Variants in TBC1D22A observed in about 807,000 individuals in gnomAD.
The protein encoded by TBC1D22A is TBC1 domain family member 22A.
TBC1D22A carries 38 observed loss-of-function variants against 60.2 expected under a neutral mutation model. That is an observed-to-expected ratio of 0.63 (90% CI 0.49 to 0.83). The LOEUF is 0.83. Ranked by LOEUF, TBC1D22A falls within the 40% of genes least tolerant of loss-of-function variation. The probability of loss-of-function intolerance (pLI) is 0.00; values close to 1 mark genes in which losing one functional copy is unlikely to be tolerated. For synonymous variants in TBC1D22A, 302 were observed against 281.7 expected, an observed-to-expected ratio of 1.07 and a Z score of -0.72; for missense variants, 628 against 701.0, an observed-to-expected ratio of 0.90 and a Z score of 1.18.
intron 11 of TBC1D22A, among the ~76,000 whole-genome samples, chr22:47,100,662 A>G (rs977850607): frequency 6.6e-6 from 1 of 152,178 alleles, no homozygotes; most frequent in Non-Finnish European, 1.5e-5. Flanking sequence ...TCCACGTAAG[A>G]CGTGACTTGC....
chr22:46,819,203 T>A (rs1453076185), intron 4 of TBC1D22A, among the ~76,000 whole-genome samples: 1 of 152,184 alleles, frequency 6.6e-6, no homozygotes, highest in Non-Finnish European at 1.5e-5. Context: ...ACTCCTCTCT[T>A]CCTATTTGAA....
In TBC1D22A at chr22:46,965,558, T is replaced by C. The variant is rs1307018456; in HGVS notation, c.1016-8732T>C. 2.4e-4 allele frequency among the ~76,000 whole-genome samples: 37 copies of C among 152,248 alleles called. 1 individual carries two copies. Among genetic ancestry groups the C allele is most frequent in the Admixed American group, 2.4e-3 (36 of 15,290 alleles). ...AGCAAATGGAGAACTGTGTTTTGAG[T>C]GGTCCTTGTGCTTCAGAGGGTCTGT... On this transcript the variant is annotated intron_variant, in intron 8 of 12. Transcript: ENST00000337137.
chr22:46,867,139 T>C (rs2067093351), intron 4 of TBC1D22A, among the ~76,000 whole-genome samples: 1 of 152,222 alleles, frequency 6.6e-6, no homozygotes, highest in Non-Finnish European at 1.5e-5. Context: ...CGTGACCAAG[T>C]ATCTGTAGAT....
chr22:46,789,938 C>T lies in TBC1D22A; in HGVS notation c.63-2582C>T, dbSNP rs73182614. The stretch of plus-strand genomic sequence containing the variant: ...AGAAGGGTCAGGCCTTTCCAAGTGT[C>T]GTCCCCAAAGTGGAGTCACGAGGAA... On this transcript the variant is annotated intron_variant, in intron 1 of 12. Coordinates refer to ENST00000337137, the MANE Select transcript of TBC1D22A (RefSeq NM_014346.5). 2.7e-3 allele frequency among the ~76,000 whole-genome samples: 416 copies of T among 152,296 alleles called. 1 individual carries two copies. The highest frequency in any genetic ancestry group is 5.5e-3 in the Non-Finnish European group (376 of 68,006).
chr22:46,867,174 CT>C (rs1407336928), intron 4 of TBC1D22A, among the ~76,000 whole-genome samples: 3 of 152,200 alleles, frequency 2.0e-5, no homozygotes, highest in Non-Finnish European at 4.4e-5. Flanking sequence ...TATCAAAACA[CT>C]TTCTTGGGCA....
At chr22:46,896,746 C>G (rs2068699789) in intron 7 of TBC1D22A, among the ~76,000 whole-genome samples, 1 of 152,180 alleles carries the variant, frequency 6.6e-6, no homozygotes, top group Non-Finnish European at 1.5e-5. Context: ...GTCCTCCTAC[C>G]TGGTGGGGGT....
In TBC1D22A at chr22:47,037,214, C is replaced by T. The variant is rs772339092; in HGVS notation, c.1329+16C>T. On this transcript the variant is annotated intron_variant, in intron 11 of 12. Coordinates refer to ENST00000337137, the MANE Select transcript of TBC1D22A (RefSeq NM_014346.5). ...CACCTACCAGGTGAGCTCTCCTTCG[C>T]ACCCTCCGCCATGGGGGTGCCAGGA... 1.9e-6 allele frequency: 3 copies of T among 1,612,000 alleles called. No individual in the cohort carries two copies. Among genetic ancestry groups the T allele is most frequent in the South Asian group, 2.2e-5 (2 of 91,068 alleles).
At chr22:47,147,314 G>T (rs2067318976) in intron 12 of TBC1D22A, among the ~76,000 whole-genome samples, 1 of 152,242 alleles carries the variant, frequency 6.6e-6, no homozygotes, top group Non-Finnish European at 1.5e-5. Context: ...CCCGTAAAAG[G>T]TGTTTTGTTC....
intron 3 of TBC1D22A, among the ~76,000 whole-genome samples, chr22:46,794,622 TGA>T (rs34721535): frequency 0.54 from 82,512 of 151,958 alleles, 23,164 homozygotes; most frequent in Middle Eastern, 0.69. Flanking sequence ...TCCATTCTGG[TGA>T]GAGGGACAGA....
chr22:46,781,912 C>T (rs2083956799), intron 1 of TBC1D22A, among the ~76,000 whole-genome samples: 1 of 152,244 alleles, frequency 6.6e-6, no homozygotes. Context: ...CCCTGCCTTG[C>T]TCACTACTAA....
intron 12 of TBC1D22A, 48 bp downstream of exon 12, chr22:47,111,651 G>T: frequency 1.3e-6 from 2 of 1,536,372 alleles, no homozygotes; most frequent in South Asian, 2.3e-5. Context: ...TTTCTACTAG[G>T]AGAGAGGTTT....
chr22:46,938,368 C>T (rs1249940502), intron 8 of TBC1D22A, among the ~76,000 whole-genome samples: 3 of 152,162 alleles, frequency 2.0e-5, no homozygotes, highest in African/African-American at 7.2e-5. Context: ...ACCATATAGC[C>T]TAGGTGTGCA....
chr22:47,114,295 C>G (rs910539), intron 12 of TBC1D22A, among the ~76,000 whole-genome samples: 152,026 of 152,026 alleles, frequency 1, 76,013 homozygotes, highest in Non-Finnish European at 1. Flanking sequence ...GTGGAGTGCA[C>G]ACTCTGAGAG....
At chr22:46,970,966 C>T (rs1353305786) in intron 8 of TBC1D22A, among the ~76,000 whole-genome samples, 1 of 152,146 alleles carries the variant, frequency 6.6e-6, no homozygotes, top group Admixed American at 6.5e-5. Flanking sequence ...CTGTCACAGC[C>T]TGGAGTCCAG....
At chr22:46,803,519 G>A (rs1030717082) in intron 4 of TBC1D22A, among the ~76,000 whole-genome samples, 18 of 152,216 alleles carry the variant, frequency 1.2e-4, no homozygotes, top group African/African-American at 3.6e-4. Flanking sequence ...GGCCGTCAGC[G>A]TTCAGCGTCG....
intron 12 of TBC1D22A, among the ~76,000 whole-genome samples, chr22:47,132,205 C>A (rs1037702789): frequency 6.6e-6 from 1 of 152,134 alleles, no homozygotes; most frequent in African/African-American, 2.4e-5. Flanking sequence ...GAGATGGGGT[C>A]TGCCTGGATT....
chr22:46,870,082 A>G lies in TBC1D22A; in HGVS notation c.638-8571A>G, dbSNP rs534574666. Among the ~76,000 whole-genome samples the G allele has an allele frequency of 3.9e-5, 6 of 152,224 alleles. No homozygotes were observed. In the East Asian group the frequency reaches 5.8e-4, roughly 15 times the overall value. On this transcript the variant is annotated intron_variant, in intron 4 of 12. Coordinates refer to ENST00000337137, the MANE Select transcript of TBC1D22A (RefSeq NM_014346.5). ...TTGTACATTATGTCACAGTTCACCA[A>G]TGTTTCCCCATGTATTGTCTCTTTG...
intron 11 of TBC1D22A, among the ~76,000 whole-genome samples, chr22:47,088,012 G>T (rs965885547): frequency 5.3e-5 from 8 of 152,126 alleles, no homozygotes; most frequent in African/African-American, 1.9e-4. Context: ...GGCAGAGGTT[G>T]CAGTGAGCCA....
At chr22:47,140,958 C>T (rs1398677667) in intron 12 of TBC1D22A, among the ~76,000 whole-genome samples, 1 of 152,226 alleles carries the variant, frequency 6.6e-6, no homozygotes, top group Admixed American at 6.5e-5. Flanking sequence ...GGCTTGTTAG[C>T]ATGTATGTTA....
Sources: gnomAD v4.1 joint callset for allele counts (sites outside exome capture counted in the v4.1 genomes callset) on GRCh38, gnomAD v4.1.1 for gene constraint, MANE v1.5 for transcripts, NCBI Gene and HGNC (gene_info 2026-07-23, HGNC 2026-07-21) for gene names.